The following SUGCT variants were observed in gnomAD, a reference collection of about 807,000 sequenced individuals.
SUGCT encodes succinyl-CoA:glutarate CoA-transferase.
SUGCT carries 41 observed loss-of-function variants against 55.0 expected under a neutral mutation model. The observed-to-expected ratio is 0.74, with a 90% confidence interval of 0.58 to 0.97. The LOEUF (loss-of-function observed/expected upper bound fraction) is 0.97, where lower values mean the gene tolerates loss of function less well. SUGCT is among the 50% of genes least tolerant of loss of function. The pLI is 0.00. For synonymous variants in SUGCT, 187 were observed against 200.4 expected, an observed-to-expected ratio of 0.93 and a Z score of 0.56; for missense variants, 568 against 547.8, an observed-to-expected ratio of 1.04 and a Z score of -0.37.
intron 13 of SUGCT, among the ~76,000 whole-genome samples, chr7:40,810,215 T>C (rs981670792): frequency 7.9e-5 from 12 of 151,950 alleles, no homozygotes; most frequent in Middle Eastern, 3.2e-3. Flanking sequence ...AGCCTCAACC[T>C]CCCAGGCCCA....
intron 1 of SUGCT, among the ~76,000 whole-genome samples, chr7:40,166,173 G>A (rs1304309113): frequency 6.6e-6 from 1 of 152,070 alleles, no homozygotes; most frequent in Non-Finnish European, 1.5e-5. Context: ...ACTTTATGCT[G>A]GGGGTATACT....
intron 1 of SUGCT, among the ~76,000 whole-genome samples, chr7:40,158,318 A>C (rs936942631): frequency 6.6e-6 from 1 of 152,242 alleles, no homozygotes; most frequent in African/African-American, 2.4e-5. Flanking sequence ...CAAGTGTAAC[A>C]CAGGTATTAA....
At chr7:40,152,943 G>A (rs190567874) in intron 1 of SUGCT, 1 of 164,924 alleles carries the variant, frequency 6.1e-6, no homozygotes, top group African/African-American at 2.4e-5. Context: ...CTGACCTTGT[G>A]ATCTGCCCAT....
chr7:40,511,413 T>C (rs1213917908), intron 12 of SUGCT, among the ~76,000 whole-genome samples: 3 of 152,200 alleles, frequency 2.0e-5, no homozygotes, highest in African/African-American at 7.2e-5. Context: ...GACACTTGTA[T>C]GCTGTGTGGG....
chr7:40,250,961 C>T (rs1035345604), intron 7 of SUGCT, among the ~76,000 whole-genome samples: 6 of 151,598 alleles, frequency 4.0e-5, no homozygotes, highest in South Asian at 2.1e-4. Context: ...CTCAGCCTCC[C>T]GAGTAGCTGG....
chr7:41,026,927 G>A, the SUGCT span, among the ~76,000 whole-genome samples: 1 of 152,146 alleles, frequency 6.6e-6, no homozygotes, highest in Non-Finnish European at 1.5e-5. Flanking sequence ...AGCTACTCAG[G>A]AGGCTGAGGC....
At chr7:40,765,248 A>T (rs1057214087) in intron 13 of SUGCT, among the ~76,000 whole-genome samples, 4 of 152,130 alleles carry the variant, frequency 2.6e-5, no homozygotes, top group African/African-American at 9.7e-5. Flanking sequence ...TTTGGTCTTA[A>T]ATCAGATTAG....
chr7:40,750,092 G>A (rs1787932427), intron 13 of SUGCT, among the ~76,000 whole-genome samples: 1 of 152,144 alleles, frequency 6.6e-6, no homozygotes, highest in African/African-American at 2.4e-5. Context: ...CTTGCAGAGG[G>A]AGCTCTTATT....
chr7:40,801,228 A>G (rs1052735201), intron 13 of SUGCT, among the ~76,000 whole-genome samples: 2 of 152,360 alleles, frequency 1.3e-5, no homozygotes, highest in African/African-American at 4.8e-5. Flanking sequence ...CAGCATACAC[A>G]TGAGCCATCC....
In SUGCT at chr7:40,480,764, T is replaced by G. The variant is rs560104435; in HGVS notation, c.987-15520T>G. 1.1e-3 allele frequency among the ~76,000 whole-genome samples: 167 copies of G among 152,268 alleles called. 1 individual carries two copies. The highest frequency in any genetic ancestry group is 3.9e-3 in the African/African-American group (160 of 41,542). ...TTTCCCTATTGTTTAATTTTATTTT[T>G]TGTTACTACTGTTCATATAACTGAG... On this transcript the variant is annotated intron_variant, in intron 11 of 13. Coordinates refer to ENST00000335693, the MANE Select transcript of SUGCT (RefSeq NM_001193313.2).
chr7:40,434,731 A>G (rs943836622), intron 9 of SUGCT, among the ~76,000 whole-genome samples: 4 of 152,210 alleles, frequency 2.6e-5, no homozygotes, highest in Non-Finnish European at 5.9e-5. Flanking sequence ...AGTGAGTCCT[A>G]TAAAGAACAA....
the SUGCT span, among the ~76,000 whole-genome samples, chr7:41,008,499 G>A: frequency 1.3e-5 from 2 of 152,088 alleles, no homozygotes; most frequent in African/African-American, 2.4e-5. Context: ...CTCTTTCCCC[G>A]GGAATTGCTA....
At chr7:40,392,073 G>T (rs371715595) in intron 9 of SUGCT, among the ~76,000 whole-genome samples, 4 of 152,126 alleles carry the variant, frequency 2.6e-5, no homozygotes, top group Non-Finnish European at 4.4e-5. Flanking sequence ...TCATAGGTGG[G>T]AATTGAACAA....
chr7:40,715,590 C>T (rs963012085), intron 12 of SUGCT, among the ~76,000 whole-genome samples: 5 of 152,178 alleles, frequency 3.3e-5, no homozygotes, highest in African/African-American at 7.2e-5. Context: ...CGAGCATCTA[C>T]CAAACATAAA....
chr7:40,911,247 G>C, the SUGCT span, among the ~76,000 whole-genome samples: 44,127 of 151,828 alleles, frequency 0.29, 6,444 homozygotes, highest in African/African-American at 0.34. Context: ...AACAGTACAA[G>C]CCACCAAAAG....
chr7:40,947,131 A>T, the SUGCT span, among the ~76,000 whole-genome samples: 1 of 151,790 alleles, frequency 6.6e-6, no homozygotes, highest in African/African-American at 2.4e-5. Flanking sequence ...GGTCTCTGAG[A>T]CTCTATTTTT....
At chr7:40,344,737 G>A (rs73688050) in intron 9 of SUGCT, among the ~76,000 whole-genome samples, 2,320 of 152,194 alleles carry the variant, frequency 0.015, 49 homozygotes, top group South Asian at 0.06. Flanking sequence ...CCCTTCTTGG[G>A]CTTTTTCCTC....
chr7:40,583,889 A>G (rs929329213), intron 12 of SUGCT, among the ~76,000 whole-genome samples: 2 of 152,198 alleles, frequency 1.3e-5, no homozygotes, highest in Admixed American at 6.5e-5. Flanking sequence ...CTCTCGATAC[A>G]TGCTGAAACA....
the SUGCT span, among the ~76,000 whole-genome samples, chr7:40,999,997 A>T: frequency 6.6e-6 from 1 of 152,198 alleles, no homozygotes; most frequent in East Asian, 1.9e-4. Flanking sequence ...CCCATCCAAC[A>T]GTCCCATTGA....
Sources: gnomAD v4.1 joint callset for allele counts (sites outside exome capture counted in the v4.1 genomes callset) on GRCh38, gnomAD v4.1.1 for gene constraint, MANE v1.5 for transcripts, NCBI Gene and HGNC (gene_info 2026-07-23, HGNC 2026-07-21) for gene names.